PALM2AKAP2: variants seen among roughly 807,000 people sequenced by gnomAD.
The protein encoded by PALM2AKAP2 is PALM2-AKAP2 fusion protein.
Under a neutral mutation model 71.5 loss-of-function variants are expected in PALM2AKAP2, and 37 were observed. The observed-to-expected ratio is 0.52, with a 90% CI of 0.40 to 0.68. PALM2AKAP2 has a LOEUF of 0.68. PALM2AKAP2 is among the 30% of genes least tolerant of loss of function. The pLI is 0.00. For synonymous variants in PALM2AKAP2, 468 were observed against 478.8 expected, an observed-to-expected ratio of 0.98 and a Z score of 0.29; for missense variants, 1,224 against 1,191.8, an observed-to-expected ratio of 1.03 and a Z score of -0.40.
chr9:110,129,757 T>C (rs1835693631), intron 1 of PALM2AKAP2, among the ~76,000 whole-genome samples: 1 of 152,244 alleles, frequency 6.6e-6, no homozygotes, highest in African/African-American at 2.4e-5. Flanking sequence ...GACCAGGTTC[T>C]GTTTTAACCA....
intron 3 of PALM2AKAP2, among the ~76,000 whole-genome samples, chr9:109,883,371 A>G (rs1054327026): frequency 2.6e-5 from 4 of 152,124 alleles, no homozygotes; most frequent in South Asian, 2.1e-4. Flanking sequence ...TTCAGGGGCC[A>G]TTTCTTGTGT....
intron 7 of PALM2AKAP2, among the ~76,000 whole-genome samples, chr9:110,023,772 G>A (rs1328842129): frequency 3.3e-5 from 5 of 151,702 alleles, no homozygotes; most frequent in South Asian, 2.1e-4. Flanking sequence ...TGGGTGGATC[G>A]CTTGAGACCA....
intron 1 of PALM2AKAP2, among the ~76,000 whole-genome samples, chr9:109,844,340 G>A (rs1222450520): frequency 1.3e-5 from 2 of 152,138 alleles, no homozygotes; most frequent in Non-Finnish European, 2.9e-5. Context: ...CTGAGGGGAT[G>A]TACCATTGCA....
At chr9:110,027,783 G>C (rs1833209236) in intron 7 of PALM2AKAP2, among the ~76,000 whole-genome samples, 1 of 152,220 alleles carries the variant, frequency 6.6e-6, no homozygotes, top group Admixed American at 6.5e-5. Flanking sequence ...AGAGGCCACA[G>C]GTTACAGCTT....
In PALM2AKAP2 at chr9:110,137,241, A is replaced by G. The variant is rs1204359979; in HGVS notation, c.1271A>G (p.Asn424Ser). ...CGCAAACAATTTCAGCTGATGGAGA[A>G]TTCCAGGCAAGCGGTGGCCAAGGGC... Residue 424 changes from asparagine (N) to serine (S), a missense_variant, in exon 2 of 4, where the codon AAT (asparagine) becomes AGT (serine). By Grantham distance (46) the Asn-to-Ser change is conservative. Transcript: ENST00000374525. 6.2e-7 allele frequency: 1 copy of G among 1,614,268 alleles called. No homozygotes were observed. The highest frequency in any genetic ancestry group is 1.7e-5 in the Admixed American group (1 of 60,034).
intron 6 of PALM2AKAP2, chr9:109,942,729 A>C (rs1244266278): frequency 6.2e-7 from 1 of 1,608,344 alleles, no homozygotes. Context: ...ACAAACAAAC[A>C]GGAGAGACCA....
chr9:109,747,504 A>G (rs973577260), intron 1 of PALM2AKAP2, among the ~76,000 whole-genome samples: 5 of 152,228 alleles, frequency 3.3e-5, no homozygotes, highest in African/African-American at 1.2e-4. Context: ...CAAAGAACCA[A>G]ATAGTTCTTC....
chr9:109,852,900 T>C (rs1227933696), intron 1 of PALM2AKAP2, among the ~76,000 whole-genome samples: 1 of 152,218 alleles, frequency 6.6e-6, no homozygotes, highest in Non-Finnish European at 1.5e-5. Flanking sequence ...TCAATTTGTT[T>C]CAGTTCCTAT....
intron 1 of PALM2AKAP2, among the ~76,000 whole-genome samples, chr9:109,814,782 C>T (rs1449377820): frequency 6.6e-6 from 1 of 152,180 alleles, no homozygotes; most frequent in Non-Finnish European, 1.5e-5. Context: ...TAAGCTATAT[C>T]ATTGCATAAG....
At chr9:110,138,524 T>G (rs770808786) in exon 2 of PALM2AKAP2, 2 of 1,603,248 alleles carry the variant, frequency 1.2e-6, no homozygotes, top group East Asian at 4.5e-5. Flanking sequence ...CAGAACATGC[T>G]ACAAAACTGC....
chr9:109,667,928 G>GTTTTTT (rs1213195298), intron 1 of PALM2AKAP2, among the ~76,000 whole-genome samples: 5 of 56,614 alleles, frequency 8.8e-5, no homozygotes, highest in East Asian at 3.3e-4. Context: ...GATGGCTTTG[G>GTTTTTT]TTTTTTTTTT....
At chr9:109,954,658 T>TAAAAAAAAAAAAAA (rs56743395) in intron 6 of PALM2AKAP2, among the ~76,000 whole-genome samples, 8 of 107,934 alleles carry the variant, frequency 7.4e-5, no homozygotes, top group African/African-American at 1.8e-4. Context: ...TAAAGTATAA[T>TAAAAAAAAAAAAAA]AAAAAAAAAA....
rs184634903 is a variant in PALM2AKAP2 at position 110,003,674 on chromosome 9, A to G, written c.497-12280A>G. ...ATTGTGTGGGAGTCTAAGTCTCTTT[A>G]TAGGTCTCTAAGGACTTGCTTTATG... On this transcript the variant is annotated intron_variant, in intron 6 of 9. Coordinates refer to the PALM2AKAP2 transcript ENST00000302798. Among the ~76,000 whole-genome samples, 159 of 152,056 alleles carry G rather than the reference A, an allele frequency of 1.0e-3. 2 individuals carry two copies. The highest frequency in any genetic ancestry group is 3.2e-3 in the African/African-American group (134 of 41,388).
chr9:110,147,673 G>T (rs1191645487), intron 2 of PALM2AKAP2, among the ~76,000 whole-genome samples: 1 of 152,300 alleles, frequency 6.6e-6, no homozygotes, highest in East Asian at 1.9e-4. Flanking sequence ...CTCAGGAGGC[G>T]AGGTGGGAGG....
chr9:110,134,095 G>A (rs1352652994), intron 1 of PALM2AKAP2, among the ~76,000 whole-genome samples: 1 of 152,096 alleles, frequency 6.6e-6, no homozygotes, highest in African/African-American at 2.4e-5. Context: ...ACCAGCCTGG[G>A]CAACATAGCG....
chr9:109,772,626 T>G (rs1404336856), intron 1 of PALM2AKAP2, among the ~76,000 whole-genome samples: 1 of 152,220 alleles, frequency 6.6e-6, no homozygotes, highest in Non-Finnish European at 1.5e-5. Context: ...GCTGTTGGTC[T>G]TCAAACCCCA....
intron 1 of PALM2AKAP2, among the ~76,000 whole-genome samples, chr9:109,846,361 G>A (rs889596945): frequency 3.9e-5 from 6 of 152,162 alleles, no homozygotes; most frequent in Admixed American, 1.3e-4. Flanking sequence ...AATTCTAAAG[G>A]TCTCCCAATG....
chr9:109,740,984 T>A (rs1032282573), intron 1 of PALM2AKAP2, among the ~76,000 whole-genome samples: 6 of 152,210 alleles, frequency 3.9e-5, no homozygotes, highest in African/African-American at 7.2e-5. Context: ...CTAGATTTTT[T>A]AAATTGAGGT....
chr9:110,053,342 A>G (rs1833750258), intron 1 of PALM2AKAP2, among the ~76,000 whole-genome samples: 1 of 152,050 alleles, frequency 6.6e-6, no homozygotes, highest in Non-Finnish European at 1.5e-5. Flanking sequence ...CCTGGCCAAC[A>G]TGGTGAAACC....
Sources: allele counts gnomAD v4.1 joint callset (sites outside exome capture counted in the v4.1 genomes callset), GRCh38; gene constraint gnomAD v4.1.1; transcripts MANE v1.5; gene names NCBI Gene and HGNC (gene_info 2026-07-23, HGNC 2026-07-21).